The following SLC4A10 variants were observed in gnomAD, a reference collection of about 807,000 sequenced individuals.
SLC4A10 encodes the protein sodium-driven chloride bicarbonate exchanger.
SLC4A10 carries 42 observed loss-of-function variants against 137.7 expected under a neutral mutation model. The observed-to-expected ratio is 0.30, with a 90% confidence interval of 0.24 to 0.39. SLC4A10 has a LOEUF of 0.39. Among genes scored for constraint, SLC4A10 ranks in the 10% least tolerant of loss-of-function variants. The pLI is 1.00. For missense variants in SLC4A10, 925 were observed against 1,355.0 expected (o/e 0.68, Z 4.98); for synonymous variants, 474 against 464.1 (o/e 1.02, Z -0.27).
chr2:161,716,165 C>T (rs2044848587), intron 1 of SLC4A10, among the ~76,000 whole-genome samples: 1 of 119,202 alleles, frequency 8.4e-6, no homozygotes, highest in South Asian at 3.2e-4. Flanking sequence ...GTCCTTTGCC[C>T]ACTTTTTGAT....
At chr2:161,967,733 T>G (rs1697850746) in intron 23 of SLC4A10, among the ~76,000 whole-genome samples, 1 of 152,190 alleles carries the variant, frequency 6.6e-6, no homozygotes, top group African/African-American at 2.4e-5. Context: ...GGGTCTTTAG[T>G]TAGAAGTTTG....
At chr2:161,836,536 GAAAGAAAGAA>G (rs1559358945) in intron 3 of SLC4A10, among the ~76,000 whole-genome samples, 67 of 8,740 alleles carry the variant, frequency 7.7e-3, no homozygotes, top group Middle Eastern at 0.042. Flanking sequence ...GAGAGAGAAA[GAAAGAAAGAA>G]AGAAAGAAAG....
intron 3 of SLC4A10, among the ~76,000 whole-genome samples, chr2:161,833,591 A>G (rs1211070016): frequency 6.6e-6 from 1 of 152,364 alleles, no homozygotes; most frequent in East Asian, 1.9e-4. Context: ...ATAGTAGGGC[A>G]GCAGGTACAT....
intron 1 of SLC4A10, among the ~76,000 whole-genome samples, chr2:161,697,406 C>G (rs1254379475): frequency 1.3e-5 from 2 of 152,046 alleles, no homozygotes; most frequent in East Asian, 3.8e-4. Flanking sequence ...ATGGTATTGC[C>G]TGGGTTTTCT....
chr2:161,824,634 A>T (rs527648964), intron 3 of SLC4A10, among the ~76,000 whole-genome samples: 1 of 152,344 alleles, frequency 6.6e-6, no homozygotes, highest in South Asian at 2.1e-4. Flanking sequence ...GAAAACATTG[A>T]AAAAGCAGTG....
At chr2:161,789,022 T>G (rs562077175) in intron 2 of SLC4A10, among the ~76,000 whole-genome samples, 9 of 152,094 alleles carry the variant, frequency 5.9e-5, no homozygotes, top group African/African-American at 2.2e-4. Context: ...GGTTCTGAGG[T>G]ATGTTTGCAG....
At chr2:161,933,183 T>TTTCTTTC (rs1553631410) in intron 15 of SLC4A10, among the ~76,000 whole-genome samples, 19 of 97,620 alleles carry the variant, frequency 1.9e-4, no homozygotes, top group Non-Finnish European at 2.5e-4. Context: ...CCCTTCCTTC[T>TTTCTTTC]TTTCTTTCTT....
chr2:161,942,117 G>C (rs938307736), intron 15 of SLC4A10, among the ~76,000 whole-genome samples: 1 of 152,082 alleles, frequency 6.6e-6, no homozygotes, highest in Non-Finnish European at 1.5e-5. Flanking sequence ...TGGCAATTCG[G>C]TTCTATAGTT....
At chr2:161,703,638 C>G (rs1235455719) in intron 1 of SLC4A10, among the ~76,000 whole-genome samples, 2 of 151,610 alleles carry the variant, frequency 1.3e-5, no homozygotes, top group South Asian at 2.1e-4. Flanking sequence ...TTATTTTCCT[C>G]TATTGTGTGA....
At chr2:161,946,750 A>C (rs1693884311) in intron 16 of SLC4A10, among the ~76,000 whole-genome samples, 1 of 152,094 alleles carries the variant, frequency 6.6e-6, no homozygotes, top group African/African-American at 2.4e-5. Context: ...GTAATTAGAA[A>C]TAGTTCTTCA....
chr2:161,780,635 C>G (rs546536396), intron 2 of SLC4A10, among the ~76,000 whole-genome samples: 1 of 151,854 alleles, frequency 6.6e-6, no homozygotes, highest in Non-Finnish European at 1.5e-5. Flanking sequence ...TTCTTCAGAG[C>G]GGCTCATATA....
intron 5 of SLC4A10, among the ~76,000 whole-genome samples, chr2:161,860,190 G>GA (rs1391123699): frequency 1.9e-4 from 29 of 152,128 alleles, no homozygotes; most frequent in African/African-American, 6.3e-4. Context: ...ATACTTTGGA[G>GA]AAGTTTGCTG....
At chr2:161,713,535 C>T (rs2044522197) in intron 1 of SLC4A10, among the ~76,000 whole-genome samples, 1 of 151,798 alleles carries the variant, frequency 6.6e-6, no homozygotes, top group Admixed American at 6.6e-5. Flanking sequence ...TCCTGCTTGT[C>T]CGTGATGTAA....
At chr2:161,928,037 A>G (rs1689515801) in intron 15 of SLC4A10, among the ~76,000 whole-genome samples, 2 of 150,498 alleles carry the variant, frequency 1.3e-5, no homozygotes, top group Non-Finnish European at 3.0e-5. Flanking sequence ...TACCCAAAGG[A>G]CTATAAATCA....
chr2:161,915,604 T>C (rs55949502), intron 15 of SLC4A10, among the ~76,000 whole-genome samples: 9,320 of 152,186 alleles, frequency 0.061, 363 homozygotes, highest in East Asian at 0.13. Flanking sequence ...TCTGGGTCCT[T>C]GGGGTCACAG....
At chr2:161,721,299 TG>T (rs2045638851) in intron 1 of SLC4A10, among the ~76,000 whole-genome samples, 1 of 152,204 alleles carries the variant, frequency 6.6e-6, no homozygotes, top group Non-Finnish European at 1.5e-5. Flanking sequence ...TACTTCAGTG[TG>T]TTTTTGTAGT....
chr2:161,653,096 G>A (rs2037034401), intron 1 of SLC4A10, among the ~76,000 whole-genome samples: 1 of 152,070 alleles, frequency 6.6e-6, no homozygotes, highest in African/African-American at 2.4e-5. Flanking sequence ...ATGAGAACAC[G>A]TGGTGTTTGG....
intron 1 of SLC4A10, among the ~76,000 whole-genome samples, chr2:161,671,484 T>A (rs1001186394): frequency 2.6e-5 from 4 of 152,154 alleles, no homozygotes; most frequent in African/African-American, 9.7e-5. Flanking sequence ...CTTTCTTGTG[T>A]TAAATATAAT....
intron 1 of SLC4A10, among the ~76,000 whole-genome samples, chr2:161,685,632 AAAC>A (rs869133074): frequency 3.3e-3 from 364 of 109,416 alleles, no homozygotes; most frequent in Middle Eastern, 0.024. Context: ...ACAAACAAAC[AAAC>A]AAAAAAAAAA....
Sources: gnomAD v4.1 joint callset for allele counts (sites outside exome capture counted in the v4.1 genomes callset) on GRCh38, gnomAD v4.1.1 for gene constraint, MANE v1.5 for transcripts, NCBI Gene and HGNC (gene_info 2026-07-23, HGNC 2026-07-21) for gene names.